Variants in SORCS1 observed in about 807,000 individuals in gnomAD.
SORCS1 encodes sortilin related VPS10 domain containing receptor 1, also known as VPS10 domain-containing receptor SorCS1.
A neutral mutation model predicts 146.1 loss-of-function variants in SORCS1; 60 were observed. The observed-to-expected ratio is 0.41, with a 90% CI of 0.33 to 0.51. The LOEUF (loss-of-function observed/expected upper bound fraction) is 0.51, where lower values mean the gene tolerates loss of function less well. SORCS1 is among the 20% of genes least tolerant of loss of function. The probability of loss-of-function intolerance (pLI) is 0.21; values close to 1 mark genes in which losing one functional copy is unlikely to be tolerated. For missense variants in SORCS1, 1,352 were observed against 1,487.6 expected, an observed-to-expected ratio of 0.91 and a Z score of 1.50; for synonymous variants, 637 against 584.0, an observed-to-expected ratio of 1.09 and a Z score of -1.31.
At chr10:106,647,865 A>C (rs1420827320) in intron 18 of SORCS1, among the ~76,000 whole-genome samples, 1 of 151,990 alleles carries the variant, frequency 6.6e-6, no homozygotes, top group Non-Finnish European at 1.5e-5. Context: ...ACCGTTTTTT[A>C]ATTTTAATTT....
intron 1 of SORCS1, among the ~76,000 whole-genome samples, chr10:107,021,153 T>C (rs1399829509): frequency 6.6e-6 from 1 of 152,030 alleles, no homozygotes; most frequent in Non-Finnish European, 1.5e-5. Context: ...TGTGTGTGTG[T>C]CCCTACAGTA....
chr10:106,764,837 C>T (rs918806770), intron 4 of SORCS1, among the ~76,000 whole-genome samples: 2 of 151,914 alleles, frequency 1.3e-5, no homozygotes, highest in African/African-American at 4.8e-5. Flanking sequence ...TCCTGGCTAA[C>T]ACGGTGAAAC....
At chr10:106,967,886 C>A (rs1405538256) in intron 1 of SORCS1, among the ~76,000 whole-genome samples, 1 of 151,710 alleles carries the variant, frequency 6.6e-6, no homozygotes, top group Non-Finnish European at 1.5e-5. Flanking sequence ...GTATTATCTT[C>A]TCTCTGAAAG....
intron 1 of SORCS1, among the ~76,000 whole-genome samples, chr10:107,003,308 A>G (rs1957291302): frequency 6.6e-6 from 1 of 152,156 alleles, no homozygotes; most frequent in South Asian, 2.1e-4. Context: ...CATAAGTAAT[A>G]TATTTGCAGC....
intron 1 of SORCS1, among the ~76,000 whole-genome samples, chr10:107,127,526 G>A (rs1481965410): frequency 1.3e-5 from 2 of 152,034 alleles, no homozygotes; most frequent in Non-Finnish European, 2.9e-5. Flanking sequence ...CTATGATTTG[G>A]TTAATTCTTA....
At chr10:107,057,364 G>A (rs1305594944) in intron 1 of SORCS1, among the ~76,000 whole-genome samples, 1 of 152,262 alleles carries the variant, frequency 6.6e-6, no homozygotes, top group East Asian at 1.9e-4. Context: ...TTAGAGAAAG[G>A]AATTGATTAA....
At chr10:106,983,119 T>A (rs1452264608) in intron 1 of SORCS1, among the ~76,000 whole-genome samples, 2 of 148,510 alleles carry the variant, frequency 1.3e-5, no homozygotes, top group Non-Finnish European at 3.0e-5. Flanking sequence ...TATATATATA[T>A]ATATTTCTAT....
rs144593004 is a variant in SORCS1, at chr10:106,618,201, C to T, written c.2868G>A (p.Gln956=). The T allele has an allele frequency of 6.4e-5, 104 of 1,614,090 alleles. No homozygotes were observed. In the East Asian group the frequency reaches 2.3e-3, roughly 36 times the overall value. The change falls in exon 21 of 26, where the codon CAG becomes CAA. Residue 956 remains glutamine, a synonymous_variant. Coordinates refer to ENST00000263054, the MANE Select transcript of SORCS1 (RefSeq NM_052918.5). ...TSEGMNTITV[Q]VSAGNAILQD... is the part of the protein sequence containing the mutation. ...GTAGGATGGCATTCCCAGCTGAGAC[C>T]TGCACTGTGATGGTATTCATTCCTT...
intron 10 of SORCS1, among the ~76,000 whole-genome samples, chr10:106,683,221 G>A (rs1345412669): frequency 6.6e-6 from 1 of 152,134 alleles, no homozygotes; most frequent in Non-Finnish European, 1.5e-5. Context: ...TATTCCAAGT[G>A]TTCAATAAAT....
At chr10:107,092,838 CT>C (rs1266910204) in intron 1 of SORCS1, among the ~76,000 whole-genome samples, 7 of 128,424 alleles carry the variant, frequency 5.5e-5, no homozygotes. Flanking sequence ...GCACTTTCAG[CT>C]TTTTGGAAAA....
chr10:106,591,812 T>C (rs75928463), intron 24 of SORCS1, among the ~76,000 whole-genome samples: 1 of 152,166 alleles, frequency 6.6e-6, no homozygotes, highest in East Asian at 1.9e-4. Flanking sequence ...TGGAAAGATG[T>C]CATGCAAATG....
At chr10:106,799,063 A>G (rs566442909) in intron 3 of SORCS1, among the ~76,000 whole-genome samples, 20 of 152,230 alleles carry the variant, frequency 1.3e-4, no homozygotes, top group Admixed American at 3.9e-4. Flanking sequence ...CAGAGCCCTC[A>G]GAAATAATGC....
At chr10:107,081,338 G>A (rs1963320365) in intron 1 of SORCS1, among the ~76,000 whole-genome samples, 2 of 152,110 alleles carry the variant, frequency 1.3e-5, no homozygotes, top group Admixed American at 6.5e-5. Flanking sequence ...TCTTCACAGG[G>A]AATTTTCTAT....
At chr10:106,681,003 C>T (rs1157272092) in intron 10 of SORCS1, among the ~76,000 whole-genome samples, 2 of 152,132 alleles carry the variant, frequency 1.3e-5, no homozygotes, top group African/African-American at 4.8e-5. Context: ...TCTCAAGGTG[C>T]ACTAATAGTA....
chr10:106,800,322 T>G (rs550413732), intron 3 of SORCS1, among the ~76,000 whole-genome samples: 182 of 152,286 alleles, frequency 1.2e-3, no homozygotes, highest in Non-Finnish European at 2.2e-3. Context: ...ATATGCTAAG[T>G]GATACTTACA....
chr10:106,808,136 C>T (rs765556670), intron 3 of SORCS1, among the ~76,000 whole-genome samples: 2 of 152,212 alleles, frequency 1.3e-5, no homozygotes, highest in Non-Finnish European at 1.5e-5. Flanking sequence ...TCTCCTGCCT[C>T]GGCCTCCCGA....
chr10:106,592,416 G>C (rs955600594), intron 24 of SORCS1, among the ~76,000 whole-genome samples: 1 of 152,182 alleles, frequency 6.6e-6, no homozygotes, highest in Non-Finnish European at 1.5e-5. Context: ...AAAGCAAACA[G>C]GGAAGTGAAT....
intron 2 of SORCS1, among the ~76,000 whole-genome samples, chr10:106,897,760 T>C (rs1951543413): frequency 1.3e-5 from 2 of 152,242 alleles, no homozygotes; most frequent in African/African-American, 4.8e-5. Context: ...AAAATCCTTG[T>C]CCTTCCACTA....
chr10:106,865,661 T>G (rs1195989249), intron 2 of SORCS1, among the ~76,000 whole-genome samples: 2 of 148,280 alleles, frequency 1.3e-5, no homozygotes, highest in Non-Finnish European at 3.0e-5. Flanking sequence ...GAGGCGGAGG[T>G]TGCAGTGAGC....
Sources: allele counts gnomAD v4.1 joint callset (sites outside exome capture counted in the v4.1 genomes callset), GRCh38; gene constraint gnomAD v4.1.1; transcripts MANE v1.5; gene names NCBI Gene and HGNC (gene_info 2026-07-23, HGNC 2026-07-21).